The following GALNT13 variants were observed in gnomAD, a reference collection of about 807,000 sequenced individuals.
GALNT13 encodes the protein polypeptide N-acetylgalactosaminyltransferase 13, also known as UDP-GalNAc:polypeptide N-acetylgalactosaminyltransferase 13.
In GALNT13, 28 loss-of-function variants were observed where a neutral mutation model predicts 64.2. The observed-to-expected ratio is 0.44, with a 90% CI of 0.32 to 0.60. The LOEUF (loss-of-function observed/expected upper bound fraction) is 0.60, where lower values mean the gene tolerates loss of function less well. Ranked by LOEUF, GALNT13 falls within the 20% of genes least tolerant of loss-of-function variation. GALNT13 has a pLI of 0.05. For synonymous variants in GALNT13, 214 were observed against 224.6 expected (o/e 0.95, Z 0.42); for missense variants, 577 against 669.8 (o/e 0.86, Z 1.53).
chr2:153,645,392 T>C, the GALNT13 span, among the ~76,000 whole-genome samples: 1 of 152,176 alleles, frequency 6.6e-6, no homozygotes, highest in Non-Finnish European at 1.5e-5. Flanking sequence ...TGTATACATT[T>C]AACTATTTTT....
At chr2:153,505,776 C>T in the GALNT13 span, among the ~76,000 whole-genome samples, 252 of 152,152 alleles carry the variant, frequency 1.7e-3, no homozygotes, top group Middle Eastern at 6.8e-3. Context: ...TGTGCCTTAT[C>T]ATGCGGTCTA....
the GALNT13 span, among the ~76,000 whole-genome samples, chr2:153,277,747 G>C: frequency 1.8e-4 from 27 of 151,532 alleles, no homozygotes; most frequent in African/African-American, 6.5e-4. Context: ...TGGCCATTCT[G>C]ACTCATGTGA....
chr2:154,197,152 G>A (rs1573857230), intron 4 of GALNT13, among the ~76,000 whole-genome samples: 1 of 152,000 alleles, frequency 6.6e-6, no homozygotes, highest in African/African-American at 2.4e-5. Flanking sequence ...CCAGGCAGAG[G>A]TTGCGGTGAG....
At chr2:154,225,160 T>TGACA (rs1688541581) in intron 4 of GALNT13, among the ~76,000 whole-genome samples, 75 of 137,972 alleles carry the variant, frequency 5.4e-4, no homozygotes, top group Non-Finnish European at 8.6e-4. Context: ...GATAGATAGA[T>TGACA]GATAGATAGA....
intron 4 of GALNT13, among the ~76,000 whole-genome samples, chr2:154,167,225 T>C (rs1452705662): frequency 6.6e-6 from 1 of 152,162 alleles, no homozygotes; most frequent in African/African-American, 2.4e-5. Context: ...TAATTGCAAA[T>C]ATGAGTAAGG....
chr2:154,368,636 A>G (rs1223697267), intron 9 of GALNT13, among the ~76,000 whole-genome samples: 1 of 152,128 alleles, frequency 6.6e-6, no homozygotes, highest in Non-Finnish European at 1.5e-5. Context: ...TGTTTATGCC[A>G]TTGACTTGTT....
At chr2:153,504,655 T>C in the GALNT13 span, among the ~76,000 whole-genome samples, 1 of 152,238 alleles carries the variant, frequency 6.6e-6, no homozygotes. Flanking sequence ...ATGATTTTTG[T>C]TTTTAATTCT....
chr2:154,175,419 G>C (rs193030601), intron 4 of GALNT13, among the ~76,000 whole-genome samples: 1 of 152,140 alleles, frequency 6.6e-6, no homozygotes, highest in South Asian at 2.1e-4. Context: ...CCTTTCTACT[G>C]TCTGAATAAC....
At chr2:153,891,488 G>A (rs565704789) in intron 1 of GALNT13, among the ~76,000 whole-genome samples, 1 of 151,822 alleles carries the variant, frequency 6.6e-6, no homozygotes, top group African/African-American at 2.4e-5. Flanking sequence ...TGGCTTCAGA[G>A]TTCTGCCACT....
the GALNT13 span, among the ~76,000 whole-genome samples, chr2:153,712,118 G>A: frequency 6.6e-6 from 1 of 152,116 alleles, no homozygotes; most frequent in Non-Finnish European, 1.5e-5. Flanking sequence ...GAAACTTCAA[G>A]GGTAACTAGT....
chr2:153,844,254 G>T, the GALNT13 span, among the ~76,000 whole-genome samples: 1 of 152,140 alleles, frequency 6.6e-6, no homozygotes, highest in Non-Finnish European at 1.5e-5. Context: ...GGCAGAGGCC[G>T]TTCCTTCACT....
the GALNT13 span, among the ~76,000 whole-genome samples, chr2:153,070,765 C>A: frequency 6.6e-6 from 1 of 152,180 alleles, no homozygotes; most frequent in African/African-American, 2.4e-5. Context: ...ACAAGCTGCA[C>A]ACATATGACT....
At chr2:153,789,800 A>G in the GALNT13 span, among the ~76,000 whole-genome samples, 7 of 152,200 alleles carry the variant, frequency 4.6e-5, no homozygotes, top group Admixed American at 3.9e-4. Flanking sequence ...GCTGATATGA[A>G]CACCTCTATG....
At chr2:153,314,656 T>G in the GALNT13 span, among the ~76,000 whole-genome samples, 1 of 151,756 alleles carries the variant, frequency 6.6e-6, no homozygotes, top group African/African-American at 2.4e-5. Flanking sequence ...CAAAAATGTG[T>G]GGAAATTAAT....
chr2:153,286,822 T>A, the GALNT13 span, among the ~76,000 whole-genome samples: 1 of 152,110 alleles, frequency 6.6e-6, no homozygotes, highest in Admixed American at 6.6e-5. Context: ...TTATAAATAA[T>A]CTTGAGTGGG....
intron 2 of GALNT13, among the ~76,000 whole-genome samples, chr2:153,936,324 A>C (rs1690910594): frequency 6.6e-6 from 1 of 152,222 alleles, no homozygotes; most frequent in Non-Finnish European, 1.5e-5. Flanking sequence ...ATACTATGCC[A>C]TTTTATATAA....
At chr2:153,162,794 A>T in the GALNT13 span, among the ~76,000 whole-genome samples, 3 of 152,226 alleles carry the variant, frequency 2.0e-5, no homozygotes, top group Admixed American at 6.5e-5. Context: ...ATCAGTTCTG[A>T]CCATGAGATT....
the GALNT13 span, among the ~76,000 whole-genome samples, chr2:153,455,394 G>A: frequency 6.6e-6 from 1 of 152,124 alleles, no homozygotes; most frequent in Non-Finnish European, 1.5e-5. Flanking sequence ...CTCAGCTCAC[G>A]GATCTCAACT....
the GALNT13 span, among the ~76,000 whole-genome samples, chr2:153,436,454 G>T: frequency 6.6e-6 from 1 of 152,132 alleles, no homozygotes; most frequent in African/African-American, 2.4e-5. Context: ...AATCCATCTG[G>T]TCCTGGACTT....
Sources: gnomAD v4.1 joint callset for allele counts (sites outside exome capture counted in the v4.1 genomes callset) on GRCh38, gnomAD v4.1.1 for gene constraint, MANE v1.5 for transcripts, NCBI Gene and HGNC (gene_info 2026-07-23, HGNC 2026-07-21) for gene names.